Variants in SRD5A1 observed in about 807,000 individuals in gnomAD.
SRD5A1 encodes the protein steroid 5 alpha-reductase 1.
In SRD5A1, 22 loss-of-function variants were observed where a neutral mutation model predicts 28.2. The ratio of observed to expected loss-of-function variants is 0.78; its 90% CI spans 0.56 to 1.12. SRD5A1 has a LOEUF of 1.12. Among genes scored for constraint, SRD5A1 ranks in the 50% most tolerant of loss-of-function variants. SRD5A1 has a pLI of 0.00. For missense variants in SRD5A1, 300 were observed against 346.7 expected, an observed-to-expected ratio of 0.87 and a Z score of 1.07; for synonymous variants, 151 against 135.0, an observed-to-expected ratio of 1.12 and a Z score of -0.82.
intron 4 of SRD5A1, among the ~76,000 whole-genome samples, chr5:6,663,314 G>A (rs563630035): frequency 2.6e-3 from 392 of 152,336 alleles, no homozygotes; most frequent in Non-Finnish European, 4.5e-3. Context: ...GCCAGCTTGC[G>A]AATGCTGCAG....
intron 1 of SRD5A1, among the ~76,000 whole-genome samples, chr5:6,647,000 A>G (rs1738528061): frequency 6.6e-6 from 1 of 152,206 alleles, no homozygotes; most frequent in Non-Finnish European, 1.5e-5. Flanking sequence ...GGTTTTAAAG[A>G]ACATCTTTAT....
At chr5:6,656,294 A>G (rs1384525513) in intron 3 of SRD5A1, 115 bp downstream of exon 3, 12 of 767,684 alleles carry the variant, frequency 1.6e-5, no homozygotes, top group Non-Finnish European at 2.4e-5. Context: ...ACAAGTTTTC[A>G]GTGTAAGTCA....
chr5:6,652,144 C>G, intron 2 of SRD5A1, 136 bp downstream of exon 2: 1 of 975,844 alleles, frequency 1.0e-6, no homozygotes, highest in Non-Finnish European at 1.4e-6. Flanking sequence ...ACCCCGGAGT[C>G]CCATGGGAGA....
intron 3 of SRD5A1, among the ~76,000 whole-genome samples, chr5:6,658,607 A>T (rs1300617416): frequency 6.6e-6 from 1 of 152,206 alleles, no homozygotes; most frequent in African/African-American, 2.4e-5. Flanking sequence ...AGGAGGTGAC[A>T]CCAGACATCG....
chr5:6,654,117 A>G (rs1248557383), intron 2 of SRD5A1, among the ~76,000 whole-genome samples: 2 of 152,188 alleles, frequency 1.3e-5, no homozygotes, highest in East Asian at 1.9e-4. Context: ...CAGAGGTGCA[A>G]TCTCGGCTCA....
chr5:6,656,302 T>C, intron 3 of SRD5A1, 123 bp downstream of exon 3: 3 of 734,930 alleles, frequency 4.1e-6, no homozygotes, highest in Non-Finnish European at 6.9e-6. Flanking sequence ...TCAGTGTAAG[T>C]CATCATTATT....
intron 1 of SRD5A1, among the ~76,000 whole-genome samples, chr5:6,649,320 G>C (rs1352499455): frequency 6.6e-6 from 1 of 152,198 alleles, no homozygotes; most frequent in Non-Finnish European, 1.5e-5. Flanking sequence ...GCTGCGCCCA[G>C]AGCCGCCCCC....
Position 6,656,187 on chromosome 5 carries a change from C to T in SRD5A1, c.562+8C>T. On this transcript the variant is annotated splice_region_variant and intron_variant, in intron 3 of 4. Transcript: ENST00000274192. ...GATACAAAATACCAAGGGGTACGTA[C>T]AGAAAGTGAAGAATTTCTGTGAAAG... The T allele has an allele frequency of 2.5e-6, 4 of 1,606,408 alleles. No homozygotes were observed. The highest frequency in any genetic ancestry group is 3.4e-6 in the Non-Finnish European group (4 of 1,173,544).
intron 1 of SRD5A1, among the ~76,000 whole-genome samples, chr5:6,646,812 C>G (rs2126533431): frequency 6.6e-6 from 1 of 152,216 alleles, no homozygotes; most frequent in Admixed American, 6.5e-5. Context: ...TTCTTATCTT[C>G]TGTTAGCTTT....
At chr5:6,664,919 CAG>C (rs1739117583) in intron 4 of SRD5A1, among the ~76,000 whole-genome samples, 3 of 152,246 alleles carry the variant, frequency 2.0e-5, no homozygotes, top group African/African-American at 4.8e-5. Flanking sequence ...GTGCCGAAGG[CAG>C]AGAGGGTTTG....
At chr5:6,659,204 CT>C (rs766918718) in intron 3 of SRD5A1, among the ~76,000 whole-genome samples, 19 of 151,640 alleles carry the variant, frequency 1.3e-4, no homozygotes, top group Admixed American at 7.9e-4. Context: ...AGCTCTGCCT[CT>C]CGGGTTCACG....
chr5:6,662,955 A>G lies in SRD5A1; in HGVS notation c.702A>G (p.Lys234=), dbSNP rs1170902003. Residue 234 remains lysine (K), a synonymous_variant, in exon 4 of 5, where the codon AAA becomes AAG. Transcript: ENST00000274192. ...FTFCFLSGRA[K]EHHEWYLRKF... is the part of the protein sequence containing the mutation. ...TTTGTTTTTTATCTGGTAGAGCAAA[A>G]GAGCATCATGAGTAAGTTTTAAAAC... 2 of 1,614,076 alleles carry G rather than the reference A, an allele frequency of 1.2e-6. No homozygotes were observed. The highest frequency in any genetic ancestry group is 1.7e-6 in the Non-Finnish European group (2 of 1,180,026).
At chr5:6,656,247 C>T in intron 3 of SRD5A1, 68 bp downstream of exon 3, 2 of 1,287,118 alleles carry the variant, frequency 1.6e-6, no homozygotes, top group South Asian at 2.4e-5. Context: ...TTTAGTGTTG[C>T]CAGCTCTAAG....
chr5:6,666,919 G>A (rs962481801), intron 4 of SRD5A1, among the ~76,000 whole-genome samples: 139 of 152,266 alleles, frequency 9.1e-4, no homozygotes, highest in Admixed American at 5.2e-4. Flanking sequence ...TGCCTTTTCG[G>A]GCCAGGGTGC....
chr5:6,655,392 G>A (rs1332221765), intron 2 of SRD5A1, among the ~76,000 whole-genome samples: 1 of 152,220 alleles, frequency 6.6e-6, no homozygotes, highest in African/African-American at 2.4e-5. Context: ...GGATTCGTAA[G>A]AATAGGAGAG....
At chr5:6,644,042 G>T (rs749341151) in intron 1 of SRD5A1, among the ~76,000 whole-genome samples, 3 of 152,172 alleles carry the variant, frequency 2.0e-5, no homozygotes, top group African/African-American at 7.2e-5. Context: ...ATCAAGGTTC[G>T]CTGGATGTGA....
chr5:6,659,500 CATG>C lies in SRD5A1; in HGVS notation c.563-3314_563-3312del, dbSNP rs549068151. On this transcript the variant is annotated intron_variant, in intron 3 of 4. Coordinates refer to ENST00000274192, the MANE Select transcript of SRD5A1 (RefSeq NM_001047.4). ...TATCCATCCTAGGCACATTGAAGTC[CATG>C]AAGAAGAAATCCAAAGCATTGGAAC... Among the ~76,000 whole-genome samples the C allele has an allele frequency of 5.3e-3, 705 of 132,782 alleles. 6 individuals are homozygous for C. The highest frequency in any genetic ancestry group is 9.5e-3 in the Non-Finnish European group (555 of 58,612). 87.1% of individuals were successfully genotyped at this position (132,782 alleles called of 152,430 possible). A position where few individuals can be genotyped will look rare whatever the true frequency, so the allele number is the denominator to read the frequency against.
At chr5:6,635,026 C>T (rs1738137498) in intron 1 of SRD5A1, among the ~76,000 whole-genome samples, 1 of 152,196 alleles carries the variant, frequency 6.6e-6, no homozygotes, top group African/African-American at 2.4e-5. Flanking sequence ...CACTCACTTC[C>T]CAGAGAGACA....
intron 2 of SRD5A1, 68 bp from the exon 3 acceptor site, chr5:6,656,010 A>G (rs954571683): frequency 2.6e-6 from 3 of 1,160,076 alleles, no homozygotes; most frequent in Non-Finnish European, 3.9e-6. Flanking sequence ...CTGTTCAGTC[A>G]GGCTGGGGCT....
Sources: gnomAD v4.1 joint callset for allele counts (sites outside exome capture counted in the v4.1 genomes callset) on GRCh38, gnomAD v4.1.1 for gene constraint, MANE v1.5 for transcripts, NCBI Gene and HGNC (gene_info 2026-07-23, HGNC 2026-07-21) for gene names.